Variants in SHQ1 observed in about 807,000 individuals in gnomAD.
SHQ1 encodes protein SHQ1 homolog.
SHQ1 carries 49 observed loss-of-function variants against 53.8 expected under a neutral mutation model. That is an observed-to-expected ratio of 0.91 (90% confidence interval 0.72 to 1.16). The LOEUF is 1.16. Among genes scored for constraint, SHQ1 ranks in the 50% most tolerant of loss-of-function variants. The pLI, the probability that SHQ1 is intolerant of heterozygous loss-of-function variation, is 0.00. For missense variants in SHQ1, 738 were observed against 683.1 expected (o/e 1.08, Z -0.90); for synonymous variants, 243 against 251.0 (o/e 0.97, Z 0.30).
At position 72,750,207 on chromosome 3, in the gene SHQ1, G is replaced by T; in HGVS notation, c.*77C>A. On this transcript the variant is annotated 3_prime_UTR_variant, in exon 11 of 11. Transcript: ENST00000325599. ...TATATACTAAGAAAAATTACAAAGT[G>T]AAAATGAAGAATTCTCATTCGGTAA... 2 of 1,259,950 alleles carry T rather than the reference G, an allele frequency of 1.6e-6. No individual in the cohort carries two copies. Among genetic ancestry groups the T allele is most frequent in the Non-Finnish European group, 2.2e-6 (2 of 901,734 alleles). 78.0% of individuals were successfully genotyped at this position (1,259,950 alleles called of 1,614,324 possible). A position where few individuals can be genotyped will look rare whatever the true frequency, so the allele number is the denominator to read the frequency against.
intron 5 of SHQ1, among the ~76,000 whole-genome samples, chr3:72,826,984 C>G (rs776708442): frequency 1.3e-5 from 2 of 152,124 alleles, no homozygotes; most frequent in East Asian, 3.9e-4. Context: ...AGGGAGAAAC[C>G]TGGAGAAGCA....
chr3:72,798,343 A>T (rs998231147), intron 9 of SHQ1, among the ~76,000 whole-genome samples: 3 of 152,228 alleles, frequency 2.0e-5, no homozygotes, highest in African/African-American at 7.2e-5. Flanking sequence ...CCATGGAAGA[A>T]TGACTCGAAG....
At chr3:72,733,010 T>A in the SHQ1 span, among the ~76,000 whole-genome samples, 2 of 151,524 alleles carry the variant, frequency 1.3e-5, no homozygotes, top group Non-Finnish European at 2.9e-5. Flanking sequence ...CTGGCCACGG[T>A]GCAGATGGGT....
chr3:72,762,292 T>C (rs1032118147), intron 10 of SHQ1, among the ~76,000 whole-genome samples: 1 of 152,166 alleles, frequency 6.6e-6, no homozygotes, highest in Non-Finnish European at 1.5e-5. Flanking sequence ...CAACCTCCAC[T>C]TAAGAAATTC....
chr3:72,751,412 C>A (rs58538718), intron 10 of SHQ1, among the ~76,000 whole-genome samples: 33,245 of 150,138 alleles, frequency 0.22, 3,880 homozygotes, highest in Non-Finnish European at 0.24. Flanking sequence ...CAGTGAGACT[C>A]CATCTCAAAA....
At chr3:72,729,186 A>T in the SHQ1 span, among the ~76,000 whole-genome samples, 1 of 152,170 alleles carries the variant, frequency 6.6e-6, no homozygotes, top group Non-Finnish European at 1.5e-5. Context: ...CAGGAGCATA[A>T]ATAGTCACGG....
At chr3:72,842,165 T>C (rs182169155) in intron 3 of SHQ1, 115 bp downstream of exon 3, 63 of 1,166,382 alleles carry the variant, frequency 5.4e-5, no homozygotes, top group Admixed American at 4.6e-4. Flanking sequence ...GATCACCTTA[T>C]ACCTGAAGTA....
rs550677371 is a variant in SHQ1, at chr3:72,845,485, CAAAAAAA to C, written c.144-1069_144-1063del. Among the ~76,000 whole-genome samples, 476 of 123,724 alleles carry C rather than the reference CAAAAAAA, an allele frequency of 3.8e-3. 6 individuals carry two copies. The highest frequency in any genetic ancestry group is 0.013 in the African/African-American group (445 of 34,028). 81.2% of individuals were successfully genotyped at this position (123,724 alleles called of 152,430 possible). A position where few individuals can be genotyped will look rare whatever the true frequency, so the allele number is the denominator to read the frequency against. On this transcript the variant is annotated intron_variant, in intron 1 of 10. Transcript: ENST00000325599. The stretch of plus-strand genomic sequence containing the variant: ...GGGCAACAGAGTGAGATTCTGTGTC[CAAAAAAA>C]AAAAAAGAAAAAAGAAATGAAGTGA...
intron 10 of SHQ1, among the ~76,000 whole-genome samples, chr3:72,760,859 C>G (rs1443848400): frequency 6.6e-6 from 1 of 152,148 alleles, no homozygotes. Flanking sequence ...CCAAAAGTCC[C>G]TGGCAGAAAA....
chr3:72,769,862 G>A (rs1010532652), intron 10 of SHQ1, among the ~76,000 whole-genome samples: 1 of 152,164 alleles, frequency 6.6e-6, no homozygotes, highest in African/African-American at 2.4e-5. Flanking sequence ...ACCACAGCAA[G>A]GAGGTTAAGA....
At chr3:72,741,706 AT>A in the SHQ1 span, among the ~76,000 whole-genome samples, 1 of 152,100 alleles carries the variant, frequency 6.6e-6, no homozygotes, top group African/African-American at 2.4e-5. Context: ...ATGTTATTAC[AT>A]TCCTGTCTCT....
chr3:72,789,168 T>C lies in SHQ1; in HGVS notation c.1181+3748A>G, dbSNP rs191617827. ...AATACAGGAAATATCAAAATACTAA[T>C]ATTGGTTGAATTAGATTAAGTGACA... On this transcript the variant is annotated intron_variant, in intron 10 of 10. Coordinates refer to ENST00000325599, the MANE Select transcript of SHQ1 (RefSeq NM_018130.3). Among the ~76,000 whole-genome samples, 734 of 151,384 alleles carry C rather than the reference T, an allele frequency of 4.8e-3. 1 individual carries two copies. The highest frequency in any genetic ancestry group is 9.7e-3 in the Admixed American group (147 of 15,218).
At chr3:72,754,814 C>T (rs1003386306) in intron 10 of SHQ1, among the ~76,000 whole-genome samples, 3 of 152,156 alleles carry the variant, frequency 2.0e-5, no homozygotes, top group Non-Finnish European at 4.4e-5. Flanking sequence ...ATATATTTAG[C>T]TTAACAATGT....
At chr3:72,824,657 C>T (rs893252395) in intron 5 of SHQ1, 106 bp from the exon 6 acceptor site, 3 of 1,312,706 alleles carry the variant, frequency 2.3e-6, no homozygotes, top group South Asian at 3.1e-5. Context: ...GATTTTAATT[C>T]AAAGTACATT....
intron 5 of SHQ1, among the ~76,000 whole-genome samples, chr3:72,828,482 G>A (rs1038876530): frequency 7.2e-5 from 11 of 152,162 alleles, no homozygotes; most frequent in African/African-American, 2.4e-4. Flanking sequence ...ATCACTTGAG[G>A]TCAGGAGTTC....
the SHQ1 span, among the ~76,000 whole-genome samples, chr3:72,743,174 C>G: frequency 2.6e-5 from 4 of 152,164 alleles, no homozygotes; most frequent in African/African-American, 9.7e-5. Flanking sequence ...GAAATCAATA[C>G]AGAACTCTGG....
chr3:72,775,459 C>CTT (rs202198673), intron 10 of SHQ1, among the ~76,000 whole-genome samples: 2,274 of 119,580 alleles, frequency 0.019, 73 homozygotes, highest in African/African-American at 0.066. Flanking sequence ...GACACAATGG[C>CTT]TTTTTTTTTT....
the SHQ1 span, among the ~76,000 whole-genome samples, chr3:72,728,734 C>G: frequency 2.0e-5 from 3 of 152,196 alleles, no homozygotes; most frequent in Non-Finnish European, 2.9e-5. Flanking sequence ...GCTTGAGGCA[C>G]AAGTTAGGAA....
chr3:72,802,731 T>C, intron 9 of SHQ1, among the ~76,000 whole-genome samples: 1 of 152,178 alleles, frequency 6.6e-6, no homozygotes, highest in East Asian at 1.9e-4. Context: ...TGTTTGCTCC[T>C]TCCCTATTAA....
Sources: allele counts gnomAD v4.1 joint callset (sites outside exome capture counted in the v4.1 genomes callset), GRCh38; gene constraint gnomAD v4.1.1; transcripts MANE v1.5; gene names NCBI Gene and HGNC (gene_info 2026-07-23, HGNC 2026-07-21).